The following MBD5 variants were observed in gnomAD, a reference collection of about 807,000 sequenced individuals.
MBD5 encodes the protein methyl-CpG-binding domain protein 5.
In MBD5, 13 loss-of-function variants were observed where a neutral mutation model predicts 117.3. That is an observed-to-expected ratio of 0.11 (90% CI 0.07 to 0.18). The LOEUF (loss-of-function observed/expected upper bound fraction) is 0.18, where lower values mean the gene tolerates loss of function less well. Among genes scored for constraint, MBD5 ranks in the 10% least tolerant of loss-of-function variants. The probability of loss-of-function intolerance (pLI) is 1.00; values close to 1 mark genes in which losing one functional copy is unlikely to be tolerated. For synonymous variants in MBD5, 727 were observed against 766.4 expected (o/e 0.95, Z 0.85); for missense variants, 1,879 against 2,093.8 (o/e 0.90, Z 2.00).
At chr2:148,054,663 T>C (rs976503554) in intron 1 of MBD5, 8 of 152,240 alleles carry the variant, frequency 5.3e-5, no homozygotes, top group African/African-American at 1.9e-4. Flanking sequence ...TTTTAGAATT[T>C]AGTAATTCAT....
At chr2:148,506,451 C>A (rs1682034994) in intron 12 of MBD5, among the ~76,000 whole-genome samples, 1 of 152,196 alleles carries the variant, frequency 6.6e-6, no homozygotes, top group Non-Finnish European at 1.5e-5. Flanking sequence ...TGTTAAATTT[C>A]CTGAGATCTG....
intron 4 of MBD5, among the ~76,000 whole-genome samples, chr2:148,397,715 A>G (rs988365632): frequency 6.6e-6 from 1 of 151,996 alleles, no homozygotes; most frequent in African/African-American, 2.4e-5. Flanking sequence ...GGTTTGTTAC[A>G]TATATATACA....
intron 1 of MBD5, among the ~76,000 whole-genome samples, chr2:148,142,898 C>A (rs976673954): frequency 6.6e-6 from 1 of 152,034 alleles, no homozygotes. Context: ...ATTAGTAAAT[C>A]CAGGAGAAAT....
chr2:148,313,959 A>G (rs1000445721), intron 3 of MBD5, among the ~76,000 whole-genome samples: 2 of 151,518 alleles, frequency 1.3e-5, no homozygotes, highest in East Asian at 2.0e-4. Flanking sequence ...CTTGCCCTCC[A>G]TGGGCTGCAC....
At chr2:148,329,541 A>T (rs1053678038) in intron 3 of MBD5, among the ~76,000 whole-genome samples, 2 of 152,220 alleles carry the variant, frequency 1.3e-5, no homozygotes, top group African/African-American at 4.8e-5. Flanking sequence ...AGCCCAGTAA[A>T]ATTCACTTAT....
chr2:148,203,649 C>A (rs1270512532), intron 2 of MBD5, among the ~76,000 whole-genome samples: 11 of 152,166 alleles, frequency 7.2e-5, no homozygotes, highest in Admixed American at 7.2e-4. Context: ...AGAAGGTAAT[C>A]TCCGCTGCAA....
chr2:148,509,310 A>ATTTTAGTTCAGG (rs1489199313), intron 12 of MBD5, among the ~76,000 whole-genome samples: 6 of 152,218 alleles, frequency 3.9e-5, no homozygotes, highest in Admixed American at 1.3e-4. Flanking sequence ...GATTTACCTG[A>ATTTTAGTTCAGG]TTTTAGTTCA....
intron 4 of MBD5, among the ~76,000 whole-genome samples, chr2:148,444,988 C>T (rs1486513580): frequency 3.3e-5 from 5 of 151,082 alleles, no homozygotes; most frequent in Admixed American, 3.3e-4. Flanking sequence ...GCCACTTGAC[C>T]TTGTTTCCAC....
Position 148,458,848 on chromosome 2 carries a change from T to C in MBD5, c.90T>C (p.Asp30=), listed in dbSNP as rs1432038620. The C allele has an allele frequency of 1.2e-6, 2 of 1,612,852 alleles. No individual in the cohort carries two copies. The highest frequency in any genetic ancestry group is 1.7e-6 in the Non-Finnish European group (2 of 1,179,422). The change falls in exon 5 of 14, where the codon GAT becomes GAC. Residue 30 remains aspartate (D), a synonymous_variant. Coordinates refer to ENST00000642680, the MANE Select transcript of MBD5 (RefSeq NM_001378120.1). ...QVPVGWQRRV[D]QNGVLYVSPS... is the part of the protein sequence containing the mutation. Reference sequence around the variant, plus strand: ...CTGTGGGTTGGCAGCGTCGTGTGGATCAAAATGGAGTGCTTTATGTCAGGT... The same window carrying C: ...CTGTGGGTTGGCAGCGTCGTGTGGACCAAAATGGAGTGCTTTATGTCAGGT...
intron 4 of MBD5, among the ~76,000 whole-genome samples, chr2:148,369,172 A>C (rs915315315): frequency 6.6e-6 from 1 of 152,100 alleles, no homozygotes; most frequent in African/African-American, 2.4e-5. Flanking sequence ...AAAAGTGCCA[A>C]AGTCATGAAA....
At chr2:148,109,426 T>C (rs1696454708) in intron 1 of MBD5, among the ~76,000 whole-genome samples, 3 of 152,316 alleles carry the variant, frequency 2.0e-5, no homozygotes, top group African/African-American at 7.2e-5. Flanking sequence ...AATTATTTCA[T>C]CATAAGAGAA....
chr2:148,330,163 T>A, intron 3 of MBD5, among the ~76,000 whole-genome samples: 1 of 147,856 alleles, frequency 6.8e-6, no homozygotes, highest in South Asian at 2.2e-4. Flanking sequence ...TAGGATGAAA[T>A]GTTCAGATAG....
At chr2:148,313,165 C>T (rs1702074215) in intron 3 of MBD5, among the ~76,000 whole-genome samples, 1 of 152,158 alleles carries the variant, frequency 6.6e-6, no homozygotes, top group Non-Finnish European at 1.5e-5. Flanking sequence ...TATCCCTTAG[C>T]AGAACTCGAG....
At chr2:148,168,591 T>A (rs913928619) in intron 1 of MBD5, among the ~76,000 whole-genome samples, 4 of 152,000 alleles carry the variant, frequency 2.6e-5, no homozygotes, top group Non-Finnish European at 5.9e-5. Flanking sequence ...ACTAGAGATG[T>A]GTAATAGCTG....
rs1278171539 is a variant in MBD5 at position 148,397,412 on chromosome 2, C to T, written c.-557+55076C>T. 2.0e-5 allele frequency among the ~76,000 whole-genome samples: 3 copies of T among 147,656 alleles called. 1 individual carries two copies. The highest frequency in any genetic ancestry group is 4.4e-5 in the Non-Finnish European group (3 of 67,554). ...TGGCACGATCTCGGCTCACTGCAAG[C>T]TCCGCCTCCCAGGTTCACACCATTC... On this transcript the variant is annotated intron_variant, in intron 4 of 13. Transcript: ENST00000642680.
chr2:148,223,324 T>A (rs1699738622), intron 2 of MBD5, among the ~76,000 whole-genome samples: 1 of 152,054 alleles, frequency 6.6e-6, no homozygotes, highest in Admixed American at 6.6e-5. Context: ...TTTGGAGTAG[T>A]TTGAGTAGTA....
chr2:148,467,669 G>C (rs547765148), intron 7 of MBD5, among the ~76,000 whole-genome samples: 5 of 152,092 alleles, frequency 3.3e-5, no homozygotes, highest in Non-Finnish European at 5.9e-5. Flanking sequence ...GCATGGGTTA[G>C]TTTGCAATAT....
chr2:148,209,523 C>CT (rs562857871), intron 2 of MBD5, among the ~76,000 whole-genome samples: 6,178 of 143,752 alleles, frequency 0.043, 168 homozygotes, highest in African/African-American at 0.082. Flanking sequence ...TTTTTTCTTT[C>CT]TTTTTTTTTT....
intron 8 of MBD5, among the ~76,000 whole-genome samples, chr2:148,473,120 G>A (rs1431408253): frequency 6.6e-6 from 1 of 152,084 alleles, no homozygotes; most frequent in East Asian, 1.9e-4. Context: ...ATTAATGCAT[G>A]TTAAAAGCCA....
Sources: gnomAD v4.1 joint callset for allele counts (sites outside exome capture counted in the v4.1 genomes callset) on GRCh38, gnomAD v4.1.1 for gene constraint, MANE v1.5 for transcripts, NCBI Gene and HGNC (gene_info 2026-07-23, HGNC 2026-07-21) for gene names.